MBTPS1: variants seen among roughly 807,000 people sequenced by gnomAD.
MBTPS1 encodes membrane-bound transcription factor site-1 protease.
A neutral mutation model predicts 127.8 loss-of-function variants in MBTPS1; 94 were observed. The ratio of observed to expected loss-of-function variants is 0.74; its 90% confidence interval spans 0.62 to 0.87. The LOEUF (loss-of-function observed/expected upper bound fraction) is 0.87. Among genes scored for constraint, MBTPS1 ranks in the 40% least tolerant of loss-of-function variants. The pLI is 0.00. For missense variants in MBTPS1, 1,636 were observed against 1,353.2 expected, an observed-to-expected ratio of 1.21 and a Z score of -3.28; for synonymous variants, 632 against 509.4, an observed-to-expected ratio of 1.24 and a Z score of -3.24.
At chr16:84,074,806 G>T in intron 11 of MBTPS1, 65 bp from the exon 12 acceptor site, 1 of 1,433,636 alleles carries the variant, frequency 7.0e-7, no homozygotes, top group Non-Finnish European at 9.6e-7. Flanking sequence ...CAACACAACT[G>T]TACAAGACAG....
rs372901051 is a variant in MBTPS1, at chr16:84,095,871, A to C, written c.422-66T>G. 670 of 1,318,058 alleles carry C rather than the reference A, an allele frequency of 5.1e-4. 12 individuals are homozygous for C. In the South Asian group the frequency reaches 7.8e-3, roughly 15 times the overall value. The allele number at this position is 1,318,058 out of a possible 1,614,324, so 81.6% of individuals were successfully genotyped here. On this transcript the variant is annotated intron_variant, in intron 3 of 22. Transcript: ENST00000343411. Reference sequence around the variant, plus strand: ...ACGAACTACACGATACCCGCCAGGCAAAACTATCCTAAACACAGGGAGGAT... The same window carrying C: ...ACGAACTACACGATACCCGCCAGGCCAAACTATCCTAAACACAGGGAGGAT...
intron 10 of MBTPS1, among the ~76,000 whole-genome samples, chr16:84,083,001 T>A (rs954951334): frequency 6.6e-6 from 1 of 152,186 alleles, no homozygotes; most frequent in Non-Finnish European, 1.5e-5. Context: ...AAAGGCTTCC[T>A]TGTTGCTGAA....
rs2085745495 is a variant in MBTPS1 at position 84,069,927 on chromosome 16, G to A, written c.1894C>T (p.Arg632Cys). The A allele has an allele frequency of 1.1e-5, 18 of 1,613,960 alleles. No homozygotes were observed. The highest frequency in any genetic ancestry group is 2.2e-5 in the East Asian group (1 of 44,866). ...RVLWDQYHNL[R>C]YPPGYFPRDN... ...CTGGGGAAATAGCCAGGTGGATAGC[G>A]GAGGTTGTGGTACTGATCCCAGAGA... The change falls in exon 14 of 23, where the codon CGC becomes TGC. Residue 632 changes from arginine to cysteine, a missense_variant. Coordinates refer to ENST00000343411, the MANE Select transcript of MBTPS1 (RefSeq NM_003791.4).
At chr16:84,074,543 G>A in intron 12 of MBTPS1, 54 bp downstream of exon 12, 3 of 1,577,732 alleles carry the variant, frequency 1.9e-6, no homozygotes, top group Non-Finnish European at 2.6e-6. Context: ...TAAAGGTCTG[G>A]GCTGTGTCTA....
intron 19 of MBTPS1, 110 bp downstream of exon 19, chr16:84,063,195 G>A (rs922068769): frequency 1.7e-6 from 2 of 1,175,008 alleles, no homozygotes; most frequent in Non-Finnish European, 2.4e-6. Context: ...CCTGGCTCAA[G>A]TGAACAGATG....
chr16:84,053,776 C>T lies in MBTPS1; in HGVS notation c.*673G>A, dbSNP rs1343786030. The T allele has an allele frequency of 1.3e-5, 2 of 152,144 alleles. No homozygotes were observed. The highest frequency in any genetic ancestry group is 2.4e-5 in the African/African-American group (1 of 41,418). 9.4% of individuals were successfully genotyped at this position (152,144 alleles called of 1,614,324 possible). ...TTACACAGTATCTTTAAGCTTCAGA[C>T]GGGTAATACATATTTATTGAAAATT... On this transcript the variant is annotated 3_prime_UTR_variant, in exon 23 of 23. Coordinates refer to ENST00000343411, the MANE Select transcript of MBTPS1 (RefSeq NM_003791.4).
intron 18 of MBTPS1, 65 bp downstream of exon 18, chr16:84,065,619 CAGAGAG>C (rs2085669985): frequency 7.2e-6 from 7 of 969,254 alleles, no homozygotes; most frequent in Admixed American, 3.4e-5. Flanking sequence ...AGATGAGAGA[CAGAGAG>C]AGAAGCGGGG....
chr16:84,105,241 C>T (rs1350056288), intron 1 of MBTPS1, among the ~76,000 whole-genome samples: 1 of 152,170 alleles, frequency 6.6e-6, no homozygotes, highest in Admixed American at 6.5e-5. Context: ...TTAACTCATT[C>T]ATTAGATCAG....
intron 10 of MBTPS1, among the ~76,000 whole-genome samples, chr16:84,083,014 T>C (rs907895074): frequency 5.9e-5 from 9 of 152,068 alleles, no homozygotes; most frequent in African/African-American, 2.2e-4. Flanking sequence ...TTGCTGAAAA[T>C]ATCTGTACTT....
At chr16:84,070,915 C>G (rs762381004) in intron 12 of MBTPS1, 139 bp from the exon 13 acceptor site, 98 of 665,498 alleles carry the variant, frequency 1.5e-4, no homozygotes, top group Non-Finnish European at 2.2e-4. Flanking sequence ...AATTTATACA[C>G]AGATACTAAG....
chr16:84,091,923 G>T (rs1304026677), intron 6 of MBTPS1, 75 bp from the exon 7 acceptor site: 1 of 862,484 alleles, frequency 1.2e-6, no homozygotes, highest in African/African-American at 1.7e-5. Flanking sequence ...TTATTTCTAA[G>T]GCTCTTTTAA....
intron 21 of MBTPS1, chr16:84,056,891 G>C (rs1019720662): frequency 1.3e-5 from 2 of 152,262 alleles, no homozygotes; most frequent in African/African-American, 4.8e-5. Flanking sequence ...GAGCTTGGGA[G>C]GACACCGGAG....
intron 19 of MBTPS1, 57 bp from the exon 20 acceptor site, chr16:84,060,870 C>T (rs776853879): frequency 4.0e-5 from 61 of 1,510,052 alleles, no homozygotes; most frequent in Middle Eastern, 4.2e-4. Flanking sequence ...GACAGAGTCA[C>T]GCTCTTGTCA....
intron 3 of MBTPS1, among the ~76,000 whole-genome samples, chr16:84,098,549 G>A (rs2086210383): frequency 6.6e-6 from 1 of 152,192 alleles, no homozygotes; most frequent in African/African-American, 2.4e-5. Flanking sequence ...GGAGGTTGAG[G>A]TGAGCCAAGA....
rs1016717902 is a variant in MBTPS1, at chr16:84,102,075, A to G, written c.-292T>C. 2.4e-5 allele frequency: 7 copies of G among 287,828 alleles called. No homozygotes were observed. In the Admixed American group the frequency reaches 2.8e-4, roughly 12 times the overall value. The allele number at this position is 287,828 out of a possible 1,614,324, so 17.8% of individuals were successfully genotyped here. A position where few individuals can be genotyped will look rare whatever the true frequency, so the allele number is the denominator to read the frequency against. ...ATTTGTACCACAGAACCAACGTCCA[A>G]TGGGGTTGATCAATCAACCACTGTG... On this transcript the variant is annotated 5_prime_UTR_variant, in exon 2 of 23. Coordinates refer to ENST00000343411, the MANE Select transcript of MBTPS1 (RefSeq NM_003791.4).
rs915359765 is a variant in MBTPS1, at chr16:84,101,700, T to C, written c.84A>G (p.Lys28=). The C allele has an allele frequency of 6.2e-7, 1 of 1,614,140 alleles. No individual in the cohort carries two copies. The highest frequency in any genetic ancestry group is 8.5e-7 in the Non-Finnish European group (1 of 1,180,002). The change falls in exon 2 of 23, where the codon AAA becomes AAG. Residue 28 remains lysine, a synonymous_variant. Coordinates refer to ENST00000343411, the MANE Select transcript of MBTPS1 (RefSeq NM_003791.4). ...CAGGGCATGGGGCCTTTTCAAAAGA[T>C]TTCTTTTCCAGTCTGTCGCCCAGAT... ...KKHLGDRLEK[K]SFEKAPCPGC... is the part of the protein sequence containing the mutation.
intron 1 of MBTPS1, among the ~76,000 whole-genome samples, chr16:84,104,508 T>G (rs2151170825): frequency 6.6e-6 from 1 of 152,258 alleles, no homozygotes; most frequent in South Asian, 2.1e-4. Context: ...TTAAAACTTT[T>G]CTGCCTCAAG....
chr16:84,090,843 T>C, intron 8 of MBTPS1, 32 bp downstream of exon 8: 1 of 1,539,734 alleles, frequency 6.5e-7, no homozygotes, highest in Non-Finnish European at 8.9e-7. Flanking sequence ...GGGGAAAAAA[T>C]CCCCGAGGTC....
rs1010526108 is a variant in MBTPS1, at chr16:84,069,787, T to C, written c.1955+79A>G. 2.3e-6 allele frequency: 3 copies of C among 1,323,898 alleles called. No individual in the cohort carries two copies. The Admixed American group carries it at 6.4e-5, about 28-fold the overall frequency. 82.0% of individuals were successfully genotyped at this position (1,323,898 alleles called of 1,614,324 possible). ...TCCACGAGAAGCTGAGCAACATCTT[T>C]CCAAGAGTTGCGGGAACAGTGGTGC... On this transcript the variant is annotated intron_variant, in intron 14 of 22. Transcript: ENST00000343411.
Sources: gnomAD v4.1 joint callset for allele counts (sites outside exome capture counted in the v4.1 genomes callset) on GRCh38, gnomAD v4.1.1 for gene constraint, MANE v1.5 for transcripts, NCBI Gene and HGNC (gene_info 2026-07-23, HGNC 2026-07-21) for gene names.